GLOD4: variants seen among roughly 807,000 people sequenced by gnomAD.
GLOD4 encodes glyoxalase domain containing 4.
Under a neutral mutation model 39.1 loss-of-function variants are expected in GLOD4, and 44 were observed. That is an observed-to-expected ratio of 1.13 (90% CI 0.88 to 1.45). GLOD4 has a LOEUF of 1.45. Among genes scored for constraint, GLOD4 ranks in the 40% most tolerant of loss-of-function variants. The pLI is 0.00. For synonymous variants in GLOD4, 145 were observed against 135.0 expected, an observed-to-expected ratio of 1.07 and a Z score of -0.52; for missense variants, 405 against 366.4, an observed-to-expected ratio of 1.11 and a Z score of -0.86.
intron 2 of GLOD4, chr17:777,358 A>G (rs1168474539): frequency 5.4e-6 from 1 of 185,398 alleles, no homozygotes; most frequent in Non-Finnish European, 1.1e-5. Context: ...AGCTTAAGAG[A>G]TGGACGGGCG....
At chr17:773,959 G>A (rs1908445047) in intron 4 of GLOD4, among the ~76,000 whole-genome samples, 1 of 152,158 alleles carries the variant, frequency 6.6e-6, no homozygotes, top group African/African-American at 2.4e-5. Flanking sequence ...AAATGCCCAA[G>A]GGGATTTCCA....
At chr17:782,947 C>T, upstream of GLOD4, 4 of 1,299,834 alleles carry the variant, frequency 3.1e-6, no homozygotes, top group Non-Finnish European at 4.2e-6. Flanking sequence ...CTCGGCCTCC[C>T]AATGTGCTGG....
At chr17:772,327 T>TA (rs1338165568) in intron 4 of GLOD4, among the ~76,000 whole-genome samples, 1 of 151,624 alleles carries the variant, frequency 6.6e-6, no homozygotes, top group Non-Finnish European at 1.5e-5. Context: ...CCTGATGGGT[T>TA]AAAAAAATAA....
intron 8 of GLOD4, among the ~76,000 whole-genome samples, chr17:765,684 T>C (rs1456199553): frequency 6.8e-6 from 1 of 146,346 alleles, no homozygotes; most frequent in Non-Finnish European, 1.5e-5. Context: ...GACCTTGTGA[T>C]CCGCCCGCCT....
chr17:777,945 C>T (rs1465143353), intron 2 of GLOD4, among the ~76,000 whole-genome samples: 3 of 152,088 alleles, frequency 2.0e-5, no homozygotes, highest in Non-Finnish European at 4.4e-5. Flanking sequence ...CCACCAACCT[C>T]TGGGAAGGAA....
rs117766511 is a variant in GLOD4, at chr17:778,738, G to A, written c.97C>T (p.Arg33Trp). Residue 33 changes from arginine to tryptophan, a missense_variant, in exon 2 of 9, where the codon CGG becomes TGG. Arg to Trp is a moderately radical substitution (Grantham distance 101, BLOSUM62 -3). Coordinates refer to ENST00000301329, the MANE Select transcript of GLOD4 (RefSeq NM_016080.4). Reference sequence around the variant, plus strand: ...CAGCCTTCTTCAAATTCCTCATGCCGCAGAACCTGGTGTGAGATTTAGAAT... The same window carrying A: ...CAGCCTTCTTCAAATTCCTCATGCCACAGAACCTGGTGTGAGATTTAGAAT... ...YRDVLGMKVL[R>W]HEEFEEGCKA... 8.2e-6 allele frequency: 13 copies of A among 1,594,052 alleles called. No individual in the cohort carries two copies. Among genetic ancestry groups the A allele is most frequent in the South Asian group, 4.4e-5 (4 of 90,626 alleles).
chr17:778,650 T>C, intron 2 of GLOD4, 45 bp downstream of exon 2: 1 of 1,059,134 alleles, frequency 9.4e-7, no homozygotes, highest in Non-Finnish European at 1.5e-6. Context: ...GTTATCCGGG[T>C]GTAGTCAGAG....
chr17:785,153 G>C (rs184433295), upstream of GLOD4, among the ~76,000 whole-genome samples: 361 of 151,830 alleles, frequency 2.4e-3, 1 homozygote, highest in African/African-American at 7.9e-3. Context: ...GTTTAGGGTA[G>C]TGCTTGGCTT....
chr17:760,217 C>T lies in GLOD4; in HGVS notation c.853G>A (p.Asp285Asn). 1 of 1,593,322 alleles carries T rather than the reference C, an allele frequency of 6.3e-7. No homozygotes were observed. The highest frequency in any genetic ancestry group is 8.6e-7 in the Non-Finnish European group (1 of 1,161,000). Residue 285 changes from aspartate to asparagine, a missense_variant, in exon 9 of 9, where the codon GAC becomes AAC. Asp to Asn is a conservative substitution (Grantham distance 23). Coordinates refer to ENST00000301329, the MANE Select transcript of GLOD4 (RefSeq NM_016080.4). ...TTATTGTGTTTGGCAAACCACTCGTCACTTTTATCTGCTGCCATTGCCTGT... is the reference window on the plus strand; with the variant it reads ...TTATTGTGTTTGGCAAACCACTCGTTACTTTTATCTGCTGCCATTGCCTGT... ...LDDAMAADKS[D>N]EWFAKHNKPK...
chr17:782,305 A>T (rs1910127999), upstream of GLOD4: 1 of 1,611,634 alleles, frequency 6.2e-7, no homozygotes, highest in Non-Finnish European at 8.5e-7. Flanking sequence ...CCAGTCCACG[A>T]AGGGCGCCAC....
At chr17:770,838 C>A in intron 5 of GLOD4, 1 of 231,556 alleles carries the variant, frequency 4.3e-6, no homozygotes, top group East Asian at 9.6e-5. Context: ...ATGAATGAGC[C>A]GTAAATTACT....
chr17:767,742 G>A (rs565481838), intron 8 of GLOD4, among the ~76,000 whole-genome samples: 5 of 148,138 alleles, frequency 3.4e-5, no homozygotes, highest in East Asian at 2.0e-4. Context: ...GGGAAACAGC[G>A]CGCACTCAGA....
At chr17:770,584 T>C (rs887429724) in intron 5 of GLOD4, 77 bp from the exon 6 acceptor site, 7 of 777,956 alleles carry the variant, frequency 9.0e-6, no homozygotes, top group Non-Finnish European at 1.7e-5. Context: ...AATTCAAATA[T>C]TATATACTAA....
chr17:785,728 A>C (rs540784794), upstream of GLOD4, among the ~76,000 whole-genome samples: 4 of 152,364 alleles, frequency 2.6e-5, no homozygotes, highest in East Asian at 7.7e-4. Context: ...TGTTACTTTG[A>C]TGCATTCAAG....
chr17:770,345 G>T, intron 6 of GLOD4, 76 bp downstream of exon 6: 1 of 837,704 alleles, frequency 1.2e-6, no homozygotes, highest in Non-Finnish European at 2.1e-6. Flanking sequence ...AGGACCTCAA[G>T]AAGGGAAGGA....
chr17:770,673 T>G, intron 5 of GLOD4, 166 bp from the exon 6 acceptor site: 1 of 540,176 alleles, frequency 1.9e-6, no homozygotes, highest in Non-Finnish European at 3.3e-6. Context: ...TGTATCCTTC[T>G]AGAAGCACTG....
chr17:769,313 A>G (rs8073846), intron 8 of GLOD4, among the ~76,000 whole-genome samples: 65 of 94,466 alleles, frequency 6.9e-4, no homozygotes, highest in African/African-American at 7.5e-4. Context: ...TCTCCATGGC[A>G]AGAGCTGAGG....
At chr17:776,043 C>T in intron 3 of GLOD4, 124 bp from the exon 4 acceptor site, 2 of 686,148 alleles carry the variant, frequency 2.9e-6, no homozygotes, top group Non-Finnish European at 5.0e-6. Context: ...TAACTGGCAT[C>T]CAACATTTTC....
In GLOD4 at chr17:769,890, C is replaced by A. The variant is rs757518800; in HGVS notation, c.810G>T (p.Glu270Asp). The change falls in exon 8 of 9, where the codon GAG (glutamate) becomes GAT (aspartate). Residue 270 changes from glutamate to aspartate, a missense_variant. Coordinates refer to ENST00000301329, the MANE Select transcript of GLOD4 (RefSeq NM_016080.4). ...AFRELSKMDPEGSKLLDDAMA... is the reference protein window; with the variant it reads ...AFRELSKMDPDGSKLLDDAMA... ...TCACATCATCCAACAATTTGCTTCC[C>A]TCTGGATCCATCTTAGAAAGTTCTC... 1 of 1,603,424 alleles carries A rather than the reference C, an allele frequency of 6.2e-7. No homozygotes were observed. The highest frequency in any genetic ancestry group is 1.3e-5 in the African/African-American group (1 of 74,834).
Sources: gnomAD v4.1 joint callset for allele counts (sites outside exome capture counted in the v4.1 genomes callset) on GRCh38, gnomAD v4.1.1 for gene constraint, MANE v1.5 for transcripts, NCBI Gene and HGNC (gene_info 2026-07-23, HGNC 2026-07-21) for gene names.